MTCL1: variants seen among roughly 807,000 people sequenced by gnomAD.
MTCL1 encodes microtubule crosslinking factor 1, also known as microtubule cross-linking factor 1.
In MTCL1, 79 loss-of-function variants were observed where a neutral mutation model predicts 141.4. The ratio of observed to expected loss-of-function variants is 0.56; its 90% CI spans 0.47 to 0.67. The LOEUF (loss-of-function observed/expected upper bound fraction) is 0.67. Among genes scored for constraint, MTCL1 ranks in the 30% least tolerant of loss-of-function variants. MTCL1 has a pLI of 0.00. For synonymous variants in MTCL1, 914 were observed against 875.8 expected (o/e 1.04, Z -0.77); for missense variants, 2,177 against 2,113.9 (o/e 1.03, Z -0.59).
chr18:8,738,039 A>G (rs1567961385), intron 4 of MTCL1, among the ~76,000 whole-genome samples: 1 of 152,188 alleles, frequency 6.6e-6, no homozygotes, highest in Non-Finnish European at 1.5e-5. Context: ...AGTTTAGTCA[A>G]TAATTTCATA....
chr18:8,736,892 G>A (rs1305585962), intron 4 of MTCL1, among the ~76,000 whole-genome samples: 1 of 152,016 alleles, frequency 6.6e-6, no homozygotes, highest in Non-Finnish European at 1.5e-5. Context: ...TGCCCGCCAC[G>A]GCCTCCGAAA....
At chr18:8,743,302 T>C (rs1212084025) in intron 4 of MTCL1, among the ~76,000 whole-genome samples, 1 of 152,272 alleles carries the variant, frequency 6.6e-6, no homozygotes, top group East Asian at 1.9e-4. Context: ...ATTGGCATTT[T>C]ATGTTTTCCT....
chr18:8,786,131 C>CCCCCCCCCCTTT, intron 7 of MTCL1, 40 bp downstream of exon 6: 2 of 1,520,142 alleles, frequency 1.3e-6, no homozygotes, highest in Non-Finnish European at 1.8e-6. Context: ...CGCCCTCCCC[C>CCCCCCCCCCTTT]TCCTTTTTCT....
At chr18:8,825,577 C>T (rs927811156) in exon 15 of MTCL1, 4 of 1,613,334 alleles carry the variant, frequency 2.5e-6, no homozygotes, top group East Asian at 2.2e-5. Context: ...GGCGGTGCTA[C>T]ACCCGTGTCG....
At chr18:8,803,416 G>A (rs530839345) in intron 10 of MTCL1, among the ~76,000 whole-genome samples, 1 of 152,266 alleles carries the variant, frequency 6.6e-6, no homozygotes, top group South Asian at 2.1e-4. Context: ...AAATAATTTA[G>A]TACATCCCCT....
At chr18:8,765,431 G>A (rs2096455203) in intron 4 of MTCL1, among the ~76,000 whole-genome samples, 1 of 152,246 alleles carries the variant, frequency 6.6e-6, no homozygotes, top group Non-Finnish European at 1.5e-5. Context: ...CTGGTTGCGT[G>A]TGCGCCAGAG....
At chr18:8,750,477 T>C (rs1180022649) in intron 4 of MTCL1, among the ~76,000 whole-genome samples, 2 of 152,188 alleles carry the variant, frequency 1.3e-5, no homozygotes, top group African/African-American at 4.8e-5. Context: ...CTGGGCACCA[T>C]GCAGAAAAGG....
chr18:8,732,644 C>T (rs1255372923), intron 4 of MTCL1, among the ~76,000 whole-genome samples: 1 of 152,250 alleles, frequency 6.6e-6, no homozygotes, highest in South Asian at 2.1e-4. Context: ...CGCCGAGTCA[C>T]CCATACATAG....
At chr18:8,824,847 A>T in exon 15 of MTCL1, 2 of 1,614,116 alleles carry the variant, frequency 1.2e-6, no homozygotes, top group Non-Finnish European at 1.7e-6. Flanking sequence ...CGAGGAGTTC[A>T]ACAAGAGCTG....
rs77569959 is a variant in MTCL1, at chr18:8,723,028, G to A, written c.357+2532G>A. Among the ~76,000 whole-genome samples, 266 of 152,288 alleles carry A rather than the reference G, an allele frequency of 1.7e-3. 1 individual carries two copies. The highest frequency in any genetic ancestry group is 6.8e-3 in the Middle Eastern group (2 of 292). ...CTCAGGGTGGATGTGAGGAGAGAAC[G>A]GAGAGGGATCAGCCCTCCCTTTGTG... On this transcript the variant is annotated intron_variant, in intron 4 of 16. Transcript: ENST00000359865.
At chr18:8,762,277 C>T (rs562932427) in intron 4 of MTCL1, among the ~76,000 whole-genome samples, 3 of 152,338 alleles carry the variant, frequency 2.0e-5, no homozygotes, top group South Asian at 4.1e-4. Flanking sequence ...AGGGCAGGCA[C>T]CAGGCATGTT....
At chr18:8,790,831 A>G (rs1276874269) in intron 7 of MTCL1, among the ~76,000 whole-genome samples, 1 of 152,172 alleles carries the variant, frequency 6.6e-6, no homozygotes. Context: ...CCTGACCAAC[A>G]TGGTGAAACC....
rs187612578 is a variant in MTCL1 at position 8,812,591 on chromosome 18, T to C, written c.2605-388T>C. On this transcript the variant is annotated intron_variant, in intron 11 of 16. Coordinates refer to ENST00000359865, the Ensembl canonical transcript of MTCL1. ...TTTGATATTTAACCTCCTGGGTATT[T>C]GACAAATATTTATTGAAAACTATTA... 4.2e-4 allele frequency among the ~76,000 whole-genome samples: 64 copies of C among 152,336 alleles called. 1 individual carries two copies. The highest frequency in any genetic ancestry group is 2.8e-3 in the Admixed American group (43 of 15,304).
chr18:8,748,010 C>T (rs1282733961), intron 4 of MTCL1, among the ~76,000 whole-genome samples: 1 of 152,120 alleles, frequency 6.6e-6, no homozygotes, highest in Non-Finnish European at 1.5e-5. Context: ...TGTCCTACCT[C>T]CAGGTCATGT....
intron 4 of MTCL1, among the ~76,000 whole-genome samples, chr18:8,755,411 C>T (rs960611682): frequency 6.6e-6 from 1 of 152,178 alleles, no homozygotes; most frequent in Non-Finnish European, 1.5e-5. Flanking sequence ...GTGGCGAGGT[C>T]GTTCTTTGGC....
At chr18:8,825,462 G>A (rs1362442729) in exon 15 of MTCL1, 2 of 1,598,288 alleles carry the variant, frequency 1.3e-6, no homozygotes, top group Non-Finnish European at 1.7e-6. Context: ...CCGGACGATG[G>A]GGACCCAGAC....
chr18:8,735,193 A>G (rs893249882), intron 4 of MTCL1, among the ~76,000 whole-genome samples: 1 of 152,206 alleles, frequency 6.6e-6, no homozygotes, highest in Non-Finnish European at 1.5e-5. Flanking sequence ...CAGTTTTCCT[A>G]AAGCAAATCC....
At chr18:8,814,969 A>G (rs529893067) in intron 12 of MTCL1, among the ~76,000 whole-genome samples, 266 of 152,338 alleles carry the variant, frequency 1.7e-3, no homozygotes, top group African/African-American at 6.3e-3. Context: ...CTTACAGGAA[A>G]CAACAGGTGC....
At chr18:8,791,336 A>T (rs1300393685) in intron 7 of MTCL1, among the ~76,000 whole-genome samples, 2 of 151,842 alleles carry the variant, frequency 1.3e-5, no homozygotes, top group Non-Finnish European at 2.9e-5. Flanking sequence ...TGATGTTACC[A>T]GTTTGGTCCG....
Sources: allele counts gnomAD v4.1 joint callset (sites outside exome capture counted in the v4.1 genomes callset), GRCh38; gene constraint gnomAD v4.1.1; transcripts MANE v1.5; gene names NCBI Gene and HGNC (gene_info 2026-07-23, HGNC 2026-07-21).